The following MPHOSPH9 variants were observed in gnomAD, a reference collection of about 807,000 sequenced individuals.
MPHOSPH9 encodes the protein M-phase phosphoprotein 9.
A neutral mutation model predicts 145.5 loss-of-function variants in MPHOSPH9; 88 were observed. The ratio of observed to expected loss-of-function variants is 0.60; its 90% CI spans 0.51 to 0.72. The LOEUF (loss-of-function observed/expected upper bound fraction) is 0.72, where lower values mean the gene tolerates loss of function less well. MPHOSPH9 is among the 30% of genes least tolerant of loss of function. The pLI is 0.00. For missense variants in MPHOSPH9, 1,238 were observed against 1,386.6 expected, an observed-to-expected ratio of 0.89 and a Z score of 1.70; for synonymous variants, 435 against 486.2, an observed-to-expected ratio of 0.89 and a Z score of 1.39.
intron 8 of MPHOSPH9, among the ~76,000 whole-genome samples, chr12:123,207,809 C>T (rs913080969): frequency 8.0e-5 from 12 of 149,104 alleles, no homozygotes; most frequent in Admixed American, 1.3e-4. Flanking sequence ...GCTGAGATCA[C>T]GCCACTGCAC....
intron 15 of MPHOSPH9, among the ~76,000 whole-genome samples, chr12:123,179,573 T>G (rs1188111285): frequency 6.6e-6 from 1 of 151,556 alleles, no homozygotes; most frequent in Non-Finnish European, 1.5e-5. Flanking sequence ...AGACTCTGTA[T>G]CAACAACAAC....
chr12:123,175,650 C>T (rs934396689), intron 16 of MPHOSPH9, among the ~76,000 whole-genome samples: 1 of 145,908 alleles, frequency 6.9e-6, no homozygotes, highest in Non-Finnish European at 1.5e-5. Context: ...GACACCCCAC[C>T]CTGCCCACCC....
At chr12:123,193,215 T>C (rs955827704) in intron 13 of MPHOSPH9, among the ~76,000 whole-genome samples, 1 of 148,928 alleles carries the variant, frequency 6.7e-6, no homozygotes, top group African/African-American at 2.5e-5. Flanking sequence ...AAAGCCACAC[T>C]GTGACCCTGC....
chr12:123,242,146 T>C (rs1565992704), intron 1 of MPHOSPH9, among the ~76,000 whole-genome samples: 2 of 152,318 alleles, frequency 1.3e-5, no homozygotes. Flanking sequence ...AGACCTGTTA[T>C]CTCTGAACTT....
chr12:123,153,820 T>A (rs1352687993), downstream of MPHOSPH9, among the ~76,000 whole-genome samples: 1 of 144,848 alleles, frequency 6.9e-6, no homozygotes, highest in Non-Finnish European at 1.5e-5. Context: ...CTTAACTCAA[T>A]GAATCTGAAA....
rs1273096908 is a variant in MPHOSPH9, at chr12:123,159,480, G to A, written c.3450+1301C>T. Among the ~76,000 whole-genome samples, 1 of 151,276 alleles carries A rather than the reference G, an allele frequency of 6.6e-6. No individual in the cohort carries two copies. The highest frequency in any genetic ancestry group is 1.5e-5 in the Non-Finnish European group (1 of 67,800). ...GCCTGGCCATGGCAGGTTTTTTTTTGTTTTTTTTGTTGTTGTTGTTTTCCC... is the reference window on the plus strand; with the variant it reads ...GCCTGGCCATGGCAGGTTTTTTTTTATTTTTTTTGTTGTTGTTGTTTTCCC... On this transcript the variant is annotated intron_variant, in intron 23 of 23. Transcript: ENST00000606320. The surrounding 1 kb of genome is among the most constrained non-coding windows in gnomAD (Gnocchi z 4.3).
At chr12:123,224,110 T>TTATATATATATATATATATATATATA (rs147637276) in intron 3 of MPHOSPH9, among the ~76,000 whole-genome samples, 171 of 120,318 alleles carry the variant, frequency 1.4e-3, no homozygotes, top group Middle Eastern at 8.8e-3. Flanking sequence ...AATTGCTAAT[T>TTATATATATATATATATATATATATA]TATATATATA....
Position 123,202,295 on chromosome 12 carries a change from C to G in MPHOSPH9, c.1806G>C (p.Lys602Asn). 2 of 1,607,068 alleles carry G rather than the reference C, an allele frequency of 1.2e-6. No homozygotes were observed. Among genetic ancestry groups the G allele is most frequent in the Non-Finnish European group, 1.7e-6 (2 of 1,178,256 alleles). The change falls in exon 11 of 24, where the codon AAG (lysine) becomes AAC (asparagine). Residue 602 changes from lysine (K) to asparagine (N), a missense_variant. By Grantham distance (94) the Lys-to-Asn change is moderately conservative. Coordinates refer to ENST00000606320, the MANE Select transcript of MPHOSPH9 (RefSeq NM_022782.4). ...LSKIRQNLKEKHARHIADLRA... is the reference protein window; with the variant it reads ...LSKIRQNLKENHARHIADLRA... ...GAAGATCTGCTATGTGTCGAGCATG[C>G]TTTTCCTTCAGATTCTGCCTAATCC...
rs1351093639 is a variant in MPHOSPH9 at position 123,227,484 on chromosome 12, C to T, written c.237G>A (p.Ser79=). 1.9e-5 allele frequency: 29 copies of T among 1,496,990 alleles called. No individual in the cohort carries two copies. The highest frequency in any genetic ancestry group is 2.4e-5 in the Non-Finnish European group (27 of 1,128,076). The allele number at this position is 1,496,990 out of a possible 1,614,324, so 92.7% of individuals were successfully genotyped here. ...ATACCTCACAGTTTTTCCAAAGTTC[C>T]GAATCAGTCTTTCCACTGTTTTGTA... ...QELQNSGKTD[S]ELWKNCETRW... is the part of the protein sequence containing the mutation. The change falls in exon 3 of 24, where the codon TCG becomes TCA. Residue 79 remains serine, a synonymous_variant. Transcript: ENST00000606320.
At position 123,154,229 on chromosome 12, in the gene MPHOSPH9, T is replaced by G. The variant is rs2043820171; in HGVS notation, c.*2578A>C. ...TTTGCTTAGGGTTTTTTTTTTTTTTTTCTTTTTAAACTATTAATACCTGCA... is the reference window on the plus strand; with the variant it reads ...TTTGCTTAGGGTTTTTTTTTTTTTTGTCTTTTTAAACTATTAATACCTGCA... On this transcript the variant is annotated 3_prime_UTR_variant, in exon 24 of 24. Coordinates refer to ENST00000606320, the MANE Select transcript of MPHOSPH9 (RefSeq NM_022782.4). 6.7e-6 allele frequency: 1 copy of G among 149,942 alleles called. No individual in the cohort carries two copies. The highest frequency in any genetic ancestry group is 1.9e-4 in the East Asian group (1 of 5,196). 9.3% of individuals were successfully genotyped at this position (149,942 alleles called of 1,614,324 possible). A position where few individuals can be genotyped will look rare whatever the true frequency, so the allele number is the denominator to read the frequency against.
chr12:123,192,453 C>CAA (rs1215440637), intron 13 of MPHOSPH9, among the ~76,000 whole-genome samples: 6 of 114,322 alleles, frequency 5.2e-5, no homozygotes, highest in Non-Finnish European at 3.7e-5. Flanking sequence ...GACTCCATCT[C>CAA]AAAAAAAAAA....
chr12:123,165,168 A>C, intron 18 of MPHOSPH9, 134 bp downstream of exon 18: 1 of 734,560 alleles, frequency 1.4e-6, no homozygotes, highest in Non-Finnish European at 2.2e-6. Flanking sequence ...ACGGGGCTGA[A>C]GTAGCAGTAA....
rs888526089 is a variant in MPHOSPH9 at position 123,159,455 on chromosome 12, G to A, written c.3450+1326C>T. ...TGGGATTACAGGCATAAGCCATTGC[G>A]CCTGGCCATGGCAGGTTTTTTTTTG... On this transcript the variant is annotated intron_variant, in intron 23 of 23. Transcript: ENST00000606320. This position sits in a 1 kb window ranked among gnomAD's most constrained non-coding sequence, Gnocchi z 4.3. Among the ~76,000 whole-genome samples the A allele has an allele frequency of 5.9e-5, 9 of 152,122 alleles. No homozygotes were observed. Among genetic ancestry groups the A allele is most frequent in the African/African-American group, 2.2e-4 (9 of 41,446 alleles).
chr12:123,214,943 G>C (rs1004484611), intron 6 of MPHOSPH9, 109 bp from the exon 7 acceptor site: 5 of 887,352 alleles, frequency 5.6e-6, no homozygotes, highest in Admixed American at 4.3e-5. Flanking sequence ...ACCTTCAGAG[G>C]GTTCAAAGAA....
chr12:123,236,283 A>C (rs2047848958), upstream of MPHOSPH9, among the ~76,000 whole-genome samples: 1 of 152,118 alleles, frequency 6.6e-6, no homozygotes, highest in South Asian at 2.1e-4. Context: ...TTTGTATTAA[A>C]TACAATAATG....
chr12:123,241,552 A>T (rs2138755863), intron 1 of MPHOSPH9, among the ~76,000 whole-genome samples: 1 of 151,926 alleles, frequency 6.6e-6, no homozygotes, highest in South Asian at 2.1e-4. Flanking sequence ...GTTGGCCAGG[A>T]TGGTCTCGAA....
chr12:123,232,464 C>T (rs1028979936), intron 1 of MPHOSPH9, among the ~76,000 whole-genome samples: 4 of 151,920 alleles, frequency 2.6e-5, no homozygotes, highest in African/African-American at 9.7e-5. Context: ...TTTTGGTGTC[C>T]CTACCCCCTA....
At chr12:123,165,696 G>A (rs2044289648) in intron 17 of MPHOSPH9, 3 of 461,192 alleles carry the variant, frequency 6.5e-6, no homozygotes, top group Non-Finnish European at 1.2e-5. Context: ...AGGCAGGAGC[G>A]CTCTCTCTGT....
chr12:123,165,417 T>C lies in MPHOSPH9; in HGVS notation c.2652A>G (p.Ile884Met), dbSNP rs1187153511. Residue 884 changes from isoleucine to methionine, a missense_variant, in exon 18 of 24, where the codon ATA becomes ATG. By Grantham distance (10) the Ile-to-Met change is conservative. This residue lies in a region of MPHOSPH9 where 393 missense variants were observed against 462.5 expected (regional missense o/e 0.85). Transcript: ENST00000606320. ...SPGSSSTSLLIKKQRETSDTP... is the reference protein window; with the variant it reads ...SPGSSSTSLLMKKQRETSDTP... ...TGTCTGAAGTCTCTCTTTGCTTTTT[T>C]ATCAACAAGCTTGTTGATGAACTTC... is the stretch of plus-strand genomic sequence containing the variant. The C allele has an allele frequency of 6.2e-7, 1 of 1,613,780 alleles. No individual in the cohort carries two copies. Among genetic ancestry groups the C allele is most frequent in the Admixed American group, 1.7e-5 (1 of 59,992 alleles).
Sources: gnomAD v4.1 joint callset for allele counts (sites outside exome capture counted in the v4.1 genomes callset) on GRCh38, gnomAD v4.1.1 for gene constraint, gnomAD v4.1.1 regional missense constraint, Gnocchi (gnomAD v3.1) non-coding constraint, MANE v1.5 for transcripts, NCBI Gene and HGNC (gene_info 2026-07-23, HGNC 2026-07-21) for gene names.